NFATC1: variants seen among roughly 807,000 people sequenced by gnomAD.
NFATC1 encodes the protein nuclear factor of activated T-cells, cytoplasmic 1.
Under a neutral mutation model 76.0 loss-of-function variants are expected in NFATC1, and 22 were observed. That is an observed-to-expected ratio of 0.29 (90% confidence interval 0.21 to 0.41). The LOEUF (loss-of-function observed/expected upper bound fraction) is 0.41. Ranked by LOEUF, NFATC1 falls within the 10% of genes least tolerant of loss-of-function variation. The pLI, the probability that NFATC1 is intolerant of heterozygous loss-of-function variation, is 1.00. For missense variants in NFATC1, 1,357 were observed against 1,337.7 expected (o/e 1.01, Z -0.23); for synonymous variants, 704 against 613.1 (o/e 1.15, Z -2.19).
intron 9 of NFATC1, among the ~76,000 whole-genome samples, chr18:79,514,937 G>A (rs990473637): frequency 5.3e-5 from 8 of 152,050 alleles, no homozygotes; most frequent in Admixed American, 4.6e-4. Flanking sequence ...CCACCTACTT[G>A]AGAGTCTGAG....
chr18:79,414,320 C>T (rs1032181755), intron 2 of NFATC1, among the ~76,000 whole-genome samples: 1 of 152,096 alleles, frequency 6.6e-6, no homozygotes, highest in Non-Finnish European at 1.5e-5. Flanking sequence ...CACGACATGC[C>T]CATCTTCTCC....
At chr18:79,485,312 G>T (rs1041957107) in intron 8 of NFATC1, among the ~76,000 whole-genome samples, 1 of 152,240 alleles carries the variant, frequency 6.6e-6, no homozygotes, top group Non-Finnish European at 1.5e-5. Flanking sequence ...GAATGTATGT[G>T]CGCCATTGTG....
intron 3 of NFATC1, among the ~76,000 whole-genome samples, chr18:79,437,492 G>A (rs1219305472): frequency 6.6e-6 from 1 of 152,330 alleles, no homozygotes; most frequent in East Asian, 1.9e-4. Flanking sequence ...TGCCGATGCC[G>A]GGACCTCGCC....
At chr18:79,507,082 C>G (rs1274406053) in intron 9 of NFATC1, among the ~76,000 whole-genome samples, 2 of 152,198 alleles carry the variant, frequency 1.3e-5, no homozygotes, top group African/African-American at 4.8e-5. Context: ...TGTTCCGAAA[C>G]GGAGCTGATG....
At chr18:79,402,244 G>A (rs1461748069) in intron 1 of NFATC1, 15 of 748,044 alleles carry the variant, frequency 2.0e-5, no homozygotes, top group South Asian at 1.2e-4. Flanking sequence ...TCTGCCCCTC[G>A]AGGCCTAGTC....
intron 8 of NFATC1, among the ~76,000 whole-genome samples, chr18:79,474,559 T>C (rs1187392552): frequency 4.4e-5 from 6 of 137,752 alleles, no homozygotes; most frequent in African/African-American, 1.7e-4. Context: ...GGGAAGTGTA[T>C]TCTCACGCTG....
At chr18:79,505,963 C>T (rs920133375) in intron 9 of NFATC1, among the ~76,000 whole-genome samples, 6 of 152,140 alleles carry the variant, frequency 3.9e-5, no homozygotes, top group Non-Finnish European at 7.4e-5. Context: ...TGTTCTGACA[C>T]CTGCAGTGAT....
chr18:79,411,760 C>A (rs938173598), intron 2 of NFATC1, among the ~76,000 whole-genome samples: 2 of 152,238 alleles, frequency 1.3e-5, no homozygotes, highest in Non-Finnish European at 2.9e-5. Context: ...CAGATCCTCT[C>A]GGGCCCTGCT....
intron 9 of NFATC1, among the ~76,000 whole-genome samples, chr18:79,511,146 G>A (rs181034764): frequency 1.3e-4 from 20 of 152,362 alleles, no homozygotes; most frequent in Admixed American, 4.6e-4. Context: ...GCACCGCTCC[G>A]TGGCACCCGG....
intron 1 of NFATC1, among the ~76,000 whole-genome samples, chr18:79,404,791 C>A (rs2148154015): frequency 6.6e-6 from 1 of 152,310 alleles, no homozygotes; most frequent in South Asian, 2.1e-4. Flanking sequence ...GAGGGAGTGG[C>A]TGTCTGGGAA....
intron 3 of NFATC1, among the ~76,000 whole-genome samples, chr18:79,444,323 T>C (rs567933484): frequency 6.6e-6 from 1 of 152,278 alleles, no homozygotes; most frequent in Non-Finnish European, 1.5e-5. Flanking sequence ...GGCTCAGGCC[T>C]GAGTCTCCAG....
At chr18:79,481,944 C>A (rs1188827964) in intron 8 of NFATC1, among the ~76,000 whole-genome samples, 3 of 120,554 alleles carry the variant, frequency 2.5e-5, no homozygotes, top group South Asian at 2.8e-4. Context: ...CCTGGGGTGT[C>A]ACTCCAGCAT....
rs2090805563 is a variant in NFATC1, at chr18:79,527,650, CTG to C, written c.*74_*75del. On this transcript the variant is annotated 3_prime_UTR_variant, in exon 10 of 10. Coordinates refer to ENST00000427363, the MANE Select transcript of NFATC1 (RefSeq NM_001278669.2). ...AGACAAAGACTTTTGAATAAATAAACTGAACTCACACCTGGTACCACTCAGAA... is the reference window on the plus strand; with the variant it reads ...AGACAAAGACTTTTGAATAAATAAACAACTCACACCTGGTACCACTCAGAA... 5 of 1,362,420 alleles carry C rather than the reference CTG, an allele frequency of 3.7e-6. No individual in the cohort carries two copies. Among genetic ancestry groups the C allele is most frequent in the African/African-American group, 1.4e-5 (1 of 69,418 alleles). 84.4% of individuals were successfully genotyped at this position (1,362,420 alleles called of 1,614,324 possible). A position where few individuals can be genotyped will look rare whatever the true frequency, so the allele number is the denominator to read the frequency against.
intron 8 of NFATC1, among the ~76,000 whole-genome samples, chr18:79,481,150 G>A (rs926423688): frequency 6.6e-6 from 1 of 152,240 alleles, no homozygotes; most frequent in African/African-American, 2.4e-5. Context: ...TGCCTCTGGG[G>A]CTCCCCATCG....
At chr18:79,415,314 G>A (rs186466531) in intron 2 of NFATC1, among the ~76,000 whole-genome samples, 19 of 152,052 alleles carry the variant, frequency 1.2e-4, no homozygotes, top group Non-Finnish European at 5.9e-5. Context: ...ATGGAGTCTC[G>A]CTCTGTCACC....
At chr18:79,495,253 G>C (rs533000158) in intron 9 of NFATC1, among the ~76,000 whole-genome samples, 2 of 152,256 alleles carry the variant, frequency 1.3e-5, no homozygotes, top group South Asian at 4.1e-4. Flanking sequence ...AGAGGTGCCC[G>C]CTCCTGTGAG....
At chr18:79,520,619 G>GGA (rs2090505627) in intron 9 of NFATC1, among the ~76,000 whole-genome samples, 2 of 98,486 alleles carry the variant, frequency 2.0e-5, no homozygotes, top group South Asian at 4.7e-4. Flanking sequence ...GTGTGGGGGG[G>GGA]GCATCCACTG....
At chr18:79,404,853 A>T (rs1256084300) in intron 1 of NFATC1, among the ~76,000 whole-genome samples, 1 of 152,208 alleles carries the variant, frequency 6.6e-6, no homozygotes, top group East Asian at 1.9e-4. Flanking sequence ...CGGGGTCTGC[A>T]AGGTTAGAAT....
intron 9 of NFATC1, among the ~76,000 whole-genome samples, chr18:79,495,191 C>T (rs771975158): frequency 1.1e-4 from 16 of 152,258 alleles, no homozygotes; most frequent in Non-Finnish European, 1.8e-4. Context: ...GGCGTGCAGG[C>T]TGTGAGGCCA....
Sources: allele counts gnomAD v4.1 joint callset (sites outside exome capture counted in the v4.1 genomes callset), GRCh38; gene constraint gnomAD v4.1.1; transcripts MANE v1.5; gene names NCBI Gene and HGNC (gene_info 2026-07-23, HGNC 2026-07-21).